ARID5B: variants seen among roughly 807,000 people sequenced by gnomAD.
ARID5B encodes the protein AT-rich interaction domain 5B.
Under a neutral mutation model 97.2 loss-of-function variants are expected in ARID5B, and 13 were observed. The ratio of observed to expected loss-of-function variants is 0.13; its 90% CI spans 0.09 to 0.21. The LOEUF (loss-of-function observed/expected upper bound fraction) is 0.21, where lower values mean the gene tolerates loss of function less well. Ranked by LOEUF, ARID5B falls within the 10% of genes least tolerant of loss-of-function variation. ARID5B has a pLI of 1.00. For missense variants in ARID5B, 1,210 were observed against 1,465.3 expected (o/e 0.83, Z 2.84); for synonymous variants, 556 against 570.3 (o/e 0.97, Z 0.36).
At chr10:61,950,917 G>T (rs1453586912) in intron 3 of ARID5B, among the ~76,000 whole-genome samples, 1 of 152,186 alleles carries the variant, frequency 6.6e-6, no homozygotes, top group Non-Finnish European at 1.5e-5. Context: ...TCCTACATGT[G>T]AATTGATGTG....
chr10:62,050,919 G>T lies in ARID5B; in HGVS notation c.765G>T (p.Lys255Asn), dbSNP rs1464829578. Reference sequence around the variant, plus strand: ...ATCTTAAAGGCAGACCACGCAAAAAGAAACCATGCCCACAAAGAAGAGATT... The same window carrying T: ...ATCTTAAAGGCAGACCACGCAAAAATAAACCATGCCCACAAAGAAGAGATT... Reference protein sequence around the residue: ...APNLKGRPRKKKPCPQRRDSF... With the variant: ...APNLKGRPRKNKPCPQRRDSF... Residue 255 changes from lysine (K) to asparagine (N), a missense_variant, in exon 5 of 10, where the codon AAG becomes AAT. Around this residue, in one of 8 missense-constraint regions of ARID5B, gnomAD observed 132 missense variants for 156.7 expected, o/e 0.84. Transcript: ENST00000279873. The T allele has an allele frequency of 6.2e-7, 1 of 1,614,138 alleles. No homozygotes were observed.
At chr10:62,055,523 A>C (rs1023940143) in intron 5 of ARID5B, among the ~76,000 whole-genome samples, 1 of 152,210 alleles carries the variant, frequency 6.6e-6, no homozygotes, top group Non-Finnish European at 1.5e-5. Context: ...GAAGCCATTA[A>C]ATTATAGATT....
chr10:61,956,917 T>C (rs1020252524), intron 3 of ARID5B, among the ~76,000 whole-genome samples: 1 of 152,210 alleles, frequency 6.6e-6, no homozygotes, highest in Non-Finnish European at 1.5e-5. Context: ...TGTGTGTGTT[T>C]GTGTGTAAAT....
At chr10:61,991,797 A>G (rs944301647) in intron 3 of ARID5B, among the ~76,000 whole-genome samples, 2 of 152,214 alleles carry the variant, frequency 1.3e-5, no homozygotes, top group Admixed American at 6.5e-5. Flanking sequence ...TGGGAGGCTG[A>G]GGTGGGCGGA....
intron 2 of ARID5B, among the ~76,000 whole-genome samples, chr10:61,927,814 G>T (rs998883941): frequency 2.0e-5 from 3 of 152,178 alleles, no homozygotes; most frequent in African/African-American, 7.2e-5. Context: ...GAAAATAAAG[G>T]ATATTATAAT....
chr10:62,013,580 A>C (rs1839245053), intron 4 of ARID5B, among the ~76,000 whole-genome samples: 1 of 151,040 alleles, frequency 6.6e-6, no homozygotes, highest in African/African-American at 2.4e-5. Flanking sequence ...CATCTCCCCA[A>C]CTCCCCCAAC....
intron 2 of ARID5B, among the ~76,000 whole-genome samples, chr10:61,910,413 C>T (rs1163086524): frequency 1.3e-5 from 2 of 152,100 alleles, no homozygotes; most frequent in Non-Finnish European, 2.9e-5. Context: ...AGTGACTACC[C>T]GTTGCCTTGG....
chr10:61,964,318 C>A (rs1838514558), intron 3 of ARID5B, among the ~76,000 whole-genome samples: 3 of 152,114 alleles, frequency 2.0e-5, no homozygotes, highest in African/African-American at 7.2e-5. Flanking sequence ...TATTAACCTG[C>A]AGGGACGTCT....
intron 4 of ARID5B, among the ~76,000 whole-genome samples, chr10:62,022,827 C>CA (rs1430682357): frequency 2.6e-5 from 4 of 151,764 alleles, no homozygotes; most frequent in Non-Finnish European, 4.4e-5. Context: ...GAAAACAAAC[C>CA]AAAAAAAATC....
chr10:61,954,951 A>G (rs975406981), intron 3 of ARID5B, among the ~76,000 whole-genome samples: 1 of 151,766 alleles, frequency 6.6e-6, no homozygotes, highest in African/African-American at 2.4e-5. Context: ...GGTCATGGTG[A>G]GCCAAGATCG....
chr10:61,999,704 G>A (rs1041904915), intron 3 of ARID5B, among the ~76,000 whole-genome samples: 3 of 152,212 alleles, frequency 2.0e-5, no homozygotes, highest in African/African-American at 7.2e-5. Flanking sequence ...TTCCAAACTA[G>A]AAATAAATGT....
chr10:62,032,983 C>A (rs1839516488), intron 4 of ARID5B, among the ~76,000 whole-genome samples: 1 of 152,184 alleles, frequency 6.6e-6, no homozygotes, highest in Admixed American at 6.5e-5. Context: ...GCCTTCAACC[C>A]TCTATGGGGC....
chr10:62,053,130 C>T (rs557739783), intron 5 of ARID5B, among the ~76,000 whole-genome samples: 2 of 152,324 alleles, frequency 1.3e-5, no homozygotes, highest in East Asian at 3.9e-4. Context: ...TCATGAAACA[C>T]TGCAGTAGAG....
At chr10:61,946,970 T>C (rs751888542) in intron 3 of ARID5B, among the ~76,000 whole-genome samples, 3 of 152,146 alleles carry the variant, frequency 2.0e-5, no homozygotes, top group African/African-American at 4.8e-5. Context: ...AAGTTCAACA[T>C]GGAAACTAAT....
Position 62,026,568 on chromosome 10 carries a change from TA to T in ARID5B, c.734-24313del, listed in dbSNP as rs1564630861. Reference sequence around the variant, plus strand: ...TTCCGTAGATAAAGGAATACTTTTTTAAAAAAATTATATTTATTTCCTTGAA... The same window carrying T: ...TTCCGTAGATAAAGGAATACTTTTTTAAAAAATTATATTTATTTCCTTGAA... On this transcript the variant is annotated intron_variant, in intron 4 of 9. Transcript: ENST00000279873. Among the ~76,000 whole-genome samples the T allele has an allele frequency of 2.0e-5, 3 of 152,316 alleles. No homozygotes were observed. In the East Asian group the frequency reaches 5.8e-4, roughly 29 times the overall value.
intron 3 of ARID5B, among the ~76,000 whole-genome samples, chr10:61,982,686 A>C (rs1359905594): frequency 6.6e-6 from 1 of 152,204 alleles, no homozygotes; most frequent in Non-Finnish European, 1.5e-5. Context: ...TAACTTGTGC[A>C]TGAGAATATT....
chr10:61,961,836 C>T (rs10430495), intron 3 of ARID5B, among the ~76,000 whole-genome samples: 84,583 of 151,512 alleles, frequency 0.56, 23,810 homozygotes, highest in East Asian at 0.6. Context: ...CAACCTCTGC[C>T]TCCCCGGTTC....
intron 2 of ARID5B, among the ~76,000 whole-genome samples, chr10:61,918,996 T>C (rs1394775422): frequency 4.2e-5 from 6 of 141,918 alleles, no homozygotes; most frequent in African/African-American, 1.6e-4. Flanking sequence ...ATTGTGCCAC[T>C]GCACTGCAAC....
intron 3 of ARID5B, among the ~76,000 whole-genome samples, chr10:61,963,384 C>T (rs1007020012): frequency 8.5e-5 from 13 of 152,140 alleles, no homozygotes; most frequent in African/African-American, 3.1e-4. Context: ...CCTGTTACCT[C>T]CTGGTCTAAT....
Sources: gnomAD v4.1 joint callset for allele counts (sites outside exome capture counted in the v4.1 genomes callset) on GRCh38, gnomAD v4.1.1 for gene constraint, gnomAD v4.1.1 regional missense constraint, MANE v1.5 for transcripts, NCBI Gene and HGNC (gene_info 2026-07-23, HGNC 2026-07-21) for gene names.